Variants in ZNF385D observed in about 807,000 individuals in gnomAD.
The protein encoded by ZNF385D is zinc finger protein 385D, also known as zinc finger protein 659.
ZNF385D carries 15 observed loss-of-function variants against 35.8 expected under a neutral mutation model. The observed-to-expected ratio is 0.42, with a 90% CI of 0.28 to 0.64. ZNF385D has a LOEUF of 0.64. ZNF385D is among the 30% of genes least tolerant of loss of function. The probability of loss-of-function intolerance (pLI) is 0.23; values close to 1 mark genes in which losing one functional copy is unlikely to be tolerated. For missense variants in ZNF385D, 474 were observed against 494.6 expected (o/e 0.96, Z 0.39); for synonymous variants, 212 against 186.8 (o/e 1.13, Z -1.10).
intron 3 of ZNF385D, among the ~76,000 whole-genome samples, chr3:21,995,635 G>A (rs932839766): frequency 6.6e-6 from 1 of 151,798 alleles, no homozygotes; most frequent in Non-Finnish European, 1.5e-5. Context: ...GCTGTGGTGG[G>A]TGAGACAAGT....
intron 3 of ZNF385D, among the ~76,000 whole-genome samples, chr3:21,781,935 C>A (rs2071505087): frequency 6.6e-6 from 1 of 152,148 alleles, no homozygotes; most frequent in East Asian, 1.9e-4. Context: ...CAACTAGCAA[C>A]TTTCATCACT....
intron 3 of ZNF385D, among the ~76,000 whole-genome samples, chr3:21,553,614 T>C (rs999521911): frequency 1.3e-5 from 2 of 152,188 alleles, no homozygotes; most frequent in Non-Finnish European, 2.9e-5. Context: ...TAGAACTCTT[T>C]TCACAAAATA....
rs879365578 is a variant in ZNF385D at position 21,421,077 on chromosome 3, T to A, written c.*137A>T. ...AAACCTCCCCCACTTTTTTATAACC[T>A]TTTCAATTCACTATCAAAAGTCCTG... On this transcript the variant is annotated 3_prime_UTR_variant, in exon 8 of 8. Coordinates refer to ENST00000281523, the MANE Select transcript of ZNF385D (RefSeq NM_024697.3). 8.0e-5 allele frequency: 14 copies of A among 175,820 alleles called. No individual in the cohort carries two copies. Among genetic ancestry groups the A allele is most frequent in the Admixed American group, 4.9e-4 (7 of 14,292 alleles). 10.9% of individuals were successfully genotyped at this position (175,820 alleles called of 1,614,324 possible). A position where few individuals can be genotyped will look rare whatever the true frequency, so the allele number is the denominator to read the frequency against.
chr3:22,001,656 G>A (rs1352959275), intron 3 of ZNF385D, among the ~76,000 whole-genome samples: 13 of 151,902 alleles, frequency 8.6e-5, no homozygotes, highest in African/African-American at 3.1e-4. Flanking sequence ...ATTTCATCCA[G>A]CAGCTGCAGA....
chr3:21,625,074 A>G (rs562963749), intron 2 of ZNF385D, among the ~76,000 whole-genome samples: 40 of 152,218 alleles, frequency 2.6e-4, no homozygotes, highest in African/African-American at 8.9e-4. Flanking sequence ...ATTTGTTACA[A>G]TGTAACAAGA....
At chr3:21,965,164 A>T (rs543130316) in intron 3 of ZNF385D, among the ~76,000 whole-genome samples, 77 of 152,318 alleles carry the variant, frequency 5.1e-4, no homozygotes, top group African/African-American at 1.4e-3. Flanking sequence ...GCAAATTAAT[A>T]TCTTATGTAA....
chr3:22,274,828 A>G (rs1701349402), intron 2 of ZNF385D, among the ~76,000 whole-genome samples: 1 of 149,294 alleles, frequency 6.7e-6, no homozygotes, highest in South Asian at 2.1e-4. Flanking sequence ...TAGTTAAAAT[A>G]TTGAAGTCTT....
At chr3:21,589,186 A>G (rs2125726489) in intron 2 of ZNF385D, among the ~76,000 whole-genome samples, 1 of 152,294 alleles carries the variant, frequency 6.6e-6, no homozygotes, top group African/African-American at 2.4e-5. Flanking sequence ...CCTCACTGAA[A>G]AAAATGACTT....
intron 3 of ZNF385D, among the ~76,000 whole-genome samples, chr3:22,016,971 C>T (rs948125439): frequency 2.0e-5 from 3 of 151,804 alleles, no homozygotes; most frequent in Non-Finnish European, 2.9e-5. Context: ...CACACACACA[C>T]TTTCTCATTT....
intron 3 of ZNF385D, among the ~76,000 whole-genome samples, chr3:21,560,845 C>G (rs1371142485): frequency 6.6e-6 from 1 of 152,126 alleles, no homozygotes; most frequent in Non-Finnish European, 1.5e-5. Context: ...ATGCCCTGCC[C>G]AGGGAGGAGG....
intron 2 of ZNF385D, among the ~76,000 whole-genome samples, chr3:22,170,125 C>A (rs572802770): frequency 1.3e-4 from 20 of 152,260 alleles, no homozygotes; most frequent in Non-Finnish European, 2.4e-4. Context: ...CCAATTCTCC[C>A]AGTTCTTTAA....
chr3:22,220,796 A>G (rs1199136469), intron 2 of ZNF385D, among the ~76,000 whole-genome samples: 1 of 152,106 alleles, frequency 6.6e-6, no homozygotes, highest in Non-Finnish European at 1.5e-5. Context: ...TTCCCTAAGT[A>G]TTATTTTCTA....
At chr3:21,580,691 AAT>A (rs35522503) in intron 2 of ZNF385D, among the ~76,000 whole-genome samples, 4 of 151,452 alleles carry the variant, frequency 2.6e-5, no homozygotes, top group Non-Finnish European at 4.4e-5. Flanking sequence ...ATTCCAAGAT[AAT>A]ATATATATAT....
intron 3 of ZNF385D, among the ~76,000 whole-genome samples, chr3:21,943,419 T>A (rs1481124662): frequency 1.3e-5 from 2 of 151,842 alleles, no homozygotes; most frequent in Non-Finnish European, 1.5e-5. Context: ...TATCAAATAC[T>A]GATCTTTGAT....
intron 2 of ZNF385D, among the ~76,000 whole-genome samples, chr3:22,330,704 G>T (rs2125459941): frequency 6.6e-6 from 1 of 152,296 alleles, no homozygotes; most frequent in Non-Finnish European, 1.5e-5. Flanking sequence ...CACACAAGCA[G>T]GGATTTCTGT....
chr3:21,602,517 C>CTTTTTT lies in ZNF385D; in HGVS notation c.166-37839_166-37834dup, dbSNP rs746138066. 1.1e-3 allele frequency among the ~76,000 whole-genome samples: 72 copies of CTTTTTT among 62,698 alleles called. 13 individuals are homozygous for CTTTTTT. Among genetic ancestry groups the CTTTTTT allele is most frequent in the East Asian group, 7.3e-3 (8 of 1,100 alleles). The allele number at this position is 62,698 out of a possible 152,430, so 41.1% of individuals were successfully genotyped here. A position where few individuals can be genotyped will look rare whatever the true frequency, so the allele number is the denominator to read the frequency against. On this transcript the variant is annotated intron_variant, in intron 2 of 7. Transcript: ENST00000281523. Reference sequence around the variant, plus strand: ...TAGGTCTCCTGTTTCCCTGCATTTTCTTTTTTTTTTTTTTTTTTTTTTTTT... The same window carrying CTTTTTT: ...TAGGTCTCCTGTTTCCCTGCATTTTCTTTTTTTTTTTTTTTTTTTTTTTTTTTTTTT...
At chr3:22,025,951 G>A (rs1028221380) in intron 3 of ZNF385D, among the ~76,000 whole-genome samples, 5 of 146,782 alleles carry the variant, frequency 3.4e-5, no homozygotes, top group Admixed American at 6.6e-5. Flanking sequence ...AAGGTGGCAG[G>A]GGCCAAGTGG....
intron 2 of ZNF385D, among the ~76,000 whole-genome samples, chr3:22,240,369 C>G (rs1186995994): frequency 6.6e-6 from 1 of 150,870 alleles, no homozygotes; most frequent in Non-Finnish European, 1.5e-5. Flanking sequence ...AGAAACCTGA[C>G]CAGGTATCTC....
intron 2 of ZNF385D, chr3:21,579,167 A>G (rs1430160118): frequency 1.3e-5 from 2 of 152,298 alleles, no homozygotes; most frequent in East Asian, 3.9e-4. Flanking sequence ...ATAAAGTATA[A>G]TTCTGGTTAT....
Sources: gnomAD v4.1 joint callset for allele counts (sites outside exome capture counted in the v4.1 genomes callset) on GRCh38, gnomAD v4.1.1 for gene constraint, MANE v1.5 for transcripts, NCBI Gene and HGNC (gene_info 2026-07-23, HGNC 2026-07-21) for gene names.